Variants in SETDB2 observed in about 807,000 individuals in gnomAD.
The protein encoded by SETDB2 is histone-lysine N-methyltransferase SETDB2.
SETDB2 carries 56 observed loss-of-function variants against 82.5 expected under a neutral mutation model. The ratio of observed to expected loss-of-function variants is 0.68; its 90% CI spans 0.55 to 0.85. SETDB2 has a LOEUF of 0.85. SETDB2 is among the 40% of genes least tolerant of loss of function. The probability of loss-of-function intolerance (pLI) is 0.00; values close to 1 mark genes in which losing one functional copy is unlikely to be tolerated. For missense variants in SETDB2, 677 were observed against 816.4 expected, an observed-to-expected ratio of 0.83 and a Z score of 2.08; for synonymous variants, 272 against 284.9, an observed-to-expected ratio of 0.95 and a Z score of 0.46.
At position 49,465,672 on chromosome 13, in the gene SETDB2, G is replaced by T. The variant is rs1324474645; in HGVS notation, c.209-2192G>T. Reference sequence around the variant, plus strand: ...CTGCCTCAGCCTCTCGAGTAGCTGGGATTATAGGCACCTGCCACCACACCT... The same window carrying T: ...CTGCCTCAGCCTCTCGAGTAGCTGGTATTATAGGCACCTGCCACCACACCT... On this transcript the variant is annotated intron_variant, in intron 4 of 13. Coordinates refer to ENST00000611815, the MANE Select transcript of SETDB2 (RefSeq NM_001160308.3). 2.0e-5 allele frequency among the ~76,000 whole-genome samples: 3 copies of T among 152,106 alleles called. No homozygotes were observed. The South Asian group carries it at 6.2e-4, about 32-fold the overall frequency.
At chr13:49,448,930 A>G (rs1261562469) in intron 1 of SETDB2, among the ~76,000 whole-genome samples, 2 of 152,198 alleles carry the variant, frequency 1.3e-5, no homozygotes, top group Non-Finnish European at 2.9e-5. Flanking sequence ...AGGGTCATGA[A>G]TATTAAATCT....
chr13:49,462,911 G>A (rs1958025049), intron 4 of SETDB2, among the ~76,000 whole-genome samples: 2 of 152,182 alleles, frequency 1.3e-5, no homozygotes, highest in Admixed American at 1.3e-4. Flanking sequence ...AATTGTAGGG[G>A]AGGAAAAATT....
chr13:49,482,768 A>G lies in SETDB2; in HGVS notation c.1188A>G (p.Lys396=), dbSNP rs191104818. The change falls in exon 9 of 14, where the codon AAA becomes AAG. Residue 396 remains lysine (K), a synonymous_variant. Coordinates refer to ENST00000611815, the MANE Select transcript of SETDB2 (RefSeq NM_001160308.3). The part of the protein sequence containing the change: ...GRLLSRANTE[K]SYGIDENGRD... ...TACTAAGCAGAGCTAACACTGAAAA[A>G]TCTTATGGTATTGATGAAAACGGGA... is the stretch of plus-strand genomic sequence containing the variant. 1.2e-6 allele frequency: 2 copies of G among 1,612,190 alleles called. No individual in the cohort carries two copies. Among genetic ancestry groups the G allele is most frequent in the East Asian group, 4.5e-5 (2 of 44,758 alleles).
intron 1 of SETDB2, among the ~76,000 whole-genome samples, chr13:49,447,168 T>A (rs1395482393): frequency 1.3e-5 from 2 of 152,166 alleles, no homozygotes; most frequent in Non-Finnish European, 2.9e-5. Flanking sequence ...TATAGTTTTT[T>A]AAAAACATGT....
In SETDB2 at chr13:49,490,821, G is replaced by A. The variant is rs752023961; in HGVS notation, c.1918-1G>A. On this transcript the variant is annotated splice_acceptor_variant, in intron 12 of 13. Transcript: ENST00000611815. LOFTEE classifies it high-confidence loss of function. Reference sequence around the variant, plus strand: ...CCTTTGTGTTTATTTTTATTTAACAGCATAGTTGTTGCCCAAATCTCTTGG... The same window carrying A: ...CCTTTGTGTTTATTTTTATTTAACAACATAGTTGTTGCCCAAATCTCTTGG... The A allele has an allele frequency of 1.2e-6, 2 of 1,605,130 alleles. No homozygotes were observed. Among genetic ancestry groups the A allele is most frequent in the Non-Finnish European group, 1.7e-6 (2 of 1,173,962 alleles).
chr13:49,459,599 T>G (rs1309945787), intron 2 of SETDB2, among the ~76,000 whole-genome samples: 1 of 152,230 alleles, frequency 6.6e-6, no homozygotes, highest in East Asian at 1.9e-4. Flanking sequence ...TTACTGGGCA[T>G]CAGAAATGTT....
chr13:49,449,311 C>T (rs1416096411), intron 1 of SETDB2, among the ~76,000 whole-genome samples: 4 of 152,048 alleles, frequency 2.6e-5, no homozygotes, highest in South Asian at 2.1e-4. Context: ...AGTACAGTGG[C>T]GTGATCTCGG....
rs1957612391 is a variant in SETDB2 at position 49,444,385 on chromosome 13, G to A, written c.-814G>A. The A allele has an allele frequency of 2.4e-5, 5 of 204,332 alleles. No individual in the cohort carries two copies. Among genetic ancestry groups the A allele is most frequent in the Admixed American group, 2.1e-4 (4 of 18,716 alleles). The allele number at this position is 204,332 out of a possible 1,614,324, so 12.7% of individuals were successfully genotyped here. A position where few individuals can be genotyped will look rare whatever the true frequency, so the allele number is the denominator to read the frequency against. The stretch of plus-strand genomic sequence containing the variant: ...CCGGCCAGAGGGCACCTGCGCTCGG[G>A]AGGTTTGGGCGGCTTGGCGTCGGAG... On this transcript the variant is annotated 5_prime_UTR_variant, in exon 1 of 14. Transcript: ENST00000611815.
At chr13:49,458,277 A>G (rs1268200523) in intron 2 of SETDB2, among the ~76,000 whole-genome samples, 3 of 151,964 alleles carry the variant, frequency 2.0e-5, no homozygotes, top group Admixed American at 6.6e-5. Flanking sequence ...AGGTCTTGCT[A>G]TGTTACCCAG....
In SETDB2 at chr13:49,482,877, C is replaced by G; in HGVS notation, c.1297C>G (p.Pro433Ala). ...ACSDCEVEVLPLGLETHPRTA... is the reference protein window; with the variant it reads ...ACSDCEVEVLALGLETHPRTA... ...TTCAGATTGTGAAGTTGAAGTTCTC[C>G]CATTAGGATTGGAAACACATCCTAG... Residue 433 changes from proline to alanine, a missense_variant, in exon 9 of 14, where the codon CCA becomes GCA. By Grantham distance (27) the Pro-to-Ala change is conservative. This residue lies in a region of SETDB2 where 420 missense variants were observed against 554.6 expected (regional missense o/e 0.76). Transcript: ENST00000611815. 6.2e-7 allele frequency: 1 copy of G among 1,613,378 alleles called. No homozygotes were observed. The highest frequency in any genetic ancestry group is 8.5e-7 in the Non-Finnish European group (1 of 1,179,614).
At chr13:49,469,354 T>C (rs1958181911) in intron 5 of SETDB2, among the ~76,000 whole-genome samples, 1 of 152,208 alleles carries the variant, frequency 6.6e-6, no homozygotes, top group Non-Finnish European at 1.5e-5. Flanking sequence ...ACTTACAAAG[T>C]GGTCATGAAA....
chr13:49,480,106 T>G, intron 6 of SETDB2, 113 bp from the exon 7 acceptor site: 2 of 686,406 alleles, frequency 2.9e-6, no homozygotes, highest in East Asian at 5.4e-5. Flanking sequence ...TGAGCCAAAC[T>G]ATTCTAAATG....
intron 2 of SETDB2, among the ~76,000 whole-genome samples, chr13:49,455,007 G>T (rs1392317799): frequency 6.6e-6 from 1 of 151,936 alleles, no homozygotes; most frequent in East Asian, 1.9e-4. Context: ...ATATTAATTG[G>T]CTTATTTTTA....
chr13:49,487,318 G>A (rs1327528099), intron 11 of SETDB2, among the ~76,000 whole-genome samples: 1 of 151,892 alleles, frequency 6.6e-6, no homozygotes, highest in East Asian at 1.9e-4. Context: ...TACTCCATCT[G>A]ACATGCATTC....
At chr13:49,462,502 C>T (rs1364362942) in intron 4 of SETDB2, among the ~76,000 whole-genome samples, 1 of 152,162 alleles carries the variant, frequency 6.6e-6, no homozygotes, top group Non-Finnish European at 1.5e-5. Flanking sequence ...GGAATTAGGT[C>T]AGGAGCCAGG....
chr13:49,477,300 G>A (rs1958387137), intron 6 of SETDB2, among the ~76,000 whole-genome samples: 1 of 152,112 alleles, frequency 6.6e-6, no homozygotes, highest in Admixed American at 6.5e-5. Context: ...GCTGGGTATG[G>A]TGGTGTGCAT....
chr13:49,489,918 CTT>C (rs1402632682), intron 12 of SETDB2, among the ~76,000 whole-genome samples: 4 of 36,408 alleles, frequency 1.1e-4, no homozygotes, highest in Non-Finnish European at 3.0e-4. Flanking sequence ...CCCCCCCCCC[CTT>C]TTTTTTTTAC....
At chr13:49,451,328 A>G (rs1340848457) in intron 1 of SETDB2, among the ~76,000 whole-genome samples, 1 of 151,056 alleles carries the variant, frequency 6.6e-6, no homozygotes, top group Non-Finnish European at 1.5e-5. Flanking sequence ...TATATTAAAT[A>G]TGGGTGATAG....
intron 5 of SETDB2, among the ~76,000 whole-genome samples, chr13:49,474,603 TTACTG>T (rs1396569851): frequency 1.3e-5 from 2 of 152,254 alleles, no homozygotes; most frequent in Non-Finnish European, 2.9e-5. Flanking sequence ...CTGTATAAGT[TTACTG>T]TATACGTTCT....
Sources: gnomAD v4.1 joint callset for allele counts (sites outside exome capture counted in the v4.1 genomes callset) on GRCh38, gnomAD v4.1.1 for gene constraint, gnomAD v4.1.1 regional missense constraint, MANE v1.5 for transcripts, NCBI Gene and HGNC (gene_info 2026-07-23, HGNC 2026-07-21) for gene names.